Variants in MITF observed in about 807,000 individuals in gnomAD.
The protein encoded by MITF is microphthalmia-associated transcription factor.
Under a neutral mutation model 60.5 loss-of-function variants are expected in MITF, and 17 were observed. The ratio of observed to expected loss-of-function variants is 0.28; its 90% CI spans 0.19 to 0.42. MITF has a LOEUF of 0.42. Ranked by LOEUF, MITF falls within the 10% of genes least tolerant of loss-of-function variation. The probability of loss-of-function intolerance (pLI) is 1.00; values close to 1 mark genes in which losing one functional copy is unlikely to be tolerated. For synonymous variants in MITF, 260 were observed against 248.5 expected, an observed-to-expected ratio of 1.05 and a Z score of -0.43; for missense variants, 622 against 683.5, an observed-to-expected ratio of 0.91 and a Z score of 1.00.
At chr3:69,758,660 G>A (rs1219765208) in intron 1 of MITF, 6 of 199,992 alleles carry the variant, frequency 3.0e-5, no homozygotes, top group Non-Finnish European at 6.2e-5. Context: ...TAGTTCACTG[G>A]ACATCTCAAG....
At position 69,942,723 on chromosome 3, in the gene MITF, G is replaced by A. The variant is rs151227031; in HGVS notation, c.762+1392G>A. Among the ~76,000 whole-genome samples the A allele has an allele frequency of 4.5e-3, 686 of 152,216 alleles. 1 individual carries two copies. Among genetic ancestry groups the A allele is most frequent in the Non-Finnish European group, 7.3e-3 (496 of 68,024 alleles). ...TGTGGAACCTTCCTGCTTACAAGTTGTTGCATCCTATGAGGCCAAACTACA... is the reference window on the plus strand; with the variant it reads ...TGTGGAACCTTCCTGCTTACAAGTTATTGCATCCTATGAGGCCAAACTACA... On this transcript the variant is annotated intron_variant, in intron 5 of 9. Coordinates refer to ENST00000352241, the MANE Select transcript of MITF (RefSeq NM_001354604.2).
At chr3:69,874,513 C>T (rs1353562249) in intron 1 of MITF, among the ~76,000 whole-genome samples, 1 of 152,226 alleles carries the variant, frequency 6.6e-6, no homozygotes, top group Non-Finnish European at 1.5e-5. Flanking sequence ...TTAATCCTCA[C>T]CACAGTGCTG....
At chr3:69,786,158 G>A (rs1331226312) in intron 1 of MITF, among the ~76,000 whole-genome samples, 1 of 152,192 alleles carries the variant, frequency 6.6e-6, no homozygotes. Flanking sequence ...GCCAAAGGAG[G>A]TTTGACTCCT....
intron 3 of MITF, 148 bp downstream of exon 3, chr3:69,938,197 C>A: frequency 8.8e-7 from 1 of 1,142,336 alleles, no homozygotes; most frequent in Admixed American, 2.0e-5. Context: ...GTGGCTGTGG[C>A]ATTCCAGCCT....
chr3:69,821,071 C>T (rs2063262985), intron 1 of MITF, among the ~76,000 whole-genome samples: 1 of 152,128 alleles, frequency 6.6e-6, no homozygotes, highest in African/African-American at 2.4e-5. Context: ...CAATGAGGCA[C>T]TTTCTTGACA....
chr3:69,816,667 C>T (rs1484754154), intron 1 of MITF, among the ~76,000 whole-genome samples: 2 of 152,200 alleles, frequency 1.3e-5, no homozygotes, highest in Non-Finnish European at 2.9e-5. Flanking sequence ...TAACATCTCT[C>T]TGACTTAGCT....
chr3:69,939,382 GT>G (rs959160609), intron 4 of MITF, among the ~76,000 whole-genome samples: 2 of 150,952 alleles, frequency 1.3e-5, no homozygotes, highest in South Asian at 2.1e-4. Flanking sequence ...ACTAAAATGT[GT>G]TTTTCCCCTA....
chr3:69,841,151 G>A (rs1396651756), intron 1 of MITF, among the ~76,000 whole-genome samples: 1 of 152,144 alleles, frequency 6.6e-6, no homozygotes, highest in Non-Finnish European at 1.5e-5. Flanking sequence ...TAGTAGATGA[G>A]AATACATTCA....
At chr3:69,814,355 A>T (rs2063147654) in intron 1 of MITF, among the ~76,000 whole-genome samples, 1 of 151,778 alleles carries the variant, frequency 6.6e-6, no homozygotes, top group Admixed American at 6.6e-5. Context: ...TGTTATTTTG[A>T]TCTCATTCTG....
chr3:69,900,958 G>C (rs192499385), intron 2 of MITF, among the ~76,000 whole-genome samples: 4 of 152,078 alleles, frequency 2.6e-5, no homozygotes, highest in African/African-American at 7.2e-5. Flanking sequence ...ACCAGAAGCT[G>C]TCCTATGTTC....
chr3:69,809,137 T>A (rs1202051706), intron 1 of MITF, among the ~76,000 whole-genome samples: 1 of 152,168 alleles, frequency 6.6e-6, no homozygotes, highest in African/African-American at 2.4e-5. Context: ...AAAATTATTT[T>A]GTGCCTCCTA....
intron 1 of MITF, among the ~76,000 whole-genome samples, chr3:69,842,257 A>G (rs1165263069): frequency 1.3e-5 from 2 of 152,224 alleles, no homozygotes; most frequent in African/African-American, 2.4e-5. Flanking sequence ...CACACGATGT[A>G]TAGGAAAAAT....
intron 5 of MITF, among the ~76,000 whole-genome samples, chr3:69,943,807 C>G (rs1187356664): frequency 6.6e-6 from 1 of 152,036 alleles, no homozygotes; most frequent in Admixed American, 6.6e-5. Context: ...AGAATGAATA[C>G]TTGGCTGGGT....
chr3:69,750,777 A>G (rs1703908814), intron 1 of MITF, among the ~76,000 whole-genome samples: 1 of 152,152 alleles, frequency 6.6e-6, no homozygotes, highest in Non-Finnish European at 1.5e-5. Context: ...CATGGCACTA[A>G]GGTGGTGGTG....
At chr3:69,802,025 A>G (rs944635442) in intron 1 of MITF, among the ~76,000 whole-genome samples, 1 of 152,176 alleles carries the variant, frequency 6.6e-6, no homozygotes, top group Non-Finnish European at 1.5e-5. Context: ...TAATTTAATT[A>G]TTACAACCAT....
chr3:69,929,260 A>C (rs1378430309), intron 2 of MITF, among the ~76,000 whole-genome samples: 1 of 152,194 alleles, frequency 6.6e-6, no homozygotes, highest in Non-Finnish European at 1.5e-5. Context: ...CAGTGTGCCA[A>C]GCTGTGTTCT....
In MITF at chr3:69,780,434, T is replaced by G. The variant is rs533970926; in HGVS notation, c.104+40733T>G. On this transcript the variant is annotated intron_variant, in intron 1 of 9. Coordinates refer to ENST00000352241, the MANE Select transcript of MITF (RefSeq NM_001354604.2). ...GATTCACCCTGTGGGTTCTTTGTTT[T>G]CTTGATGGAATGTTTAGAGCTTATT... 1.4e-3 allele frequency among the ~76,000 whole-genome samples: 208 copies of G among 152,344 alleles called. 1 individual carries two copies. The highest frequency in any genetic ancestry group is 4.7e-3 in the African/African-American group (197 of 41,596).
intron 1 of MITF, among the ~76,000 whole-genome samples, chr3:69,866,518 G>C (rs1018223003): frequency 1.6e-5 from 2 of 125,166 alleles, no homozygotes; most frequent in Non-Finnish European, 3.2e-5. Flanking sequence ...CTGGTAGGTG[G>C]CTATGACAAG....
intron 7 of MITF, among the ~76,000 whole-genome samples, chr3:69,955,312 G>A (rs13321870): frequency 0.022 from 3,326 of 152,210 alleles, 113 homozygotes; most frequent in African/African-American, 0.074. Context: ...AAATGTTTAC[G>A]TTGATTGCCT....
Sources: allele counts gnomAD v4.1 joint callset (sites outside exome capture counted in the v4.1 genomes callset), GRCh38; gene constraint gnomAD v4.1.1; transcripts MANE v1.5; gene names NCBI Gene and HGNC (gene_info 2026-07-23, HGNC 2026-07-21).